Variants in CDH12 observed in about 807,000 individuals in gnomAD.
The protein encoded by CDH12 is cadherin 12.
CDH12 carries 41 observed loss-of-function variants against 74.1 expected under a neutral mutation model. That is an observed-to-expected ratio of 0.55 (90% CI 0.43 to 0.72). The LOEUF (loss-of-function observed/expected upper bound fraction) is 0.72, where lower values mean the gene tolerates loss of function less well. Among genes scored for constraint, CDH12 ranks in the 30% least tolerant of loss-of-function variants. CDH12 has a pLI of 0.00. For synonymous variants in CDH12, 399 were observed against 355.0 expected, an observed-to-expected ratio of 1.12 and a Z score of -1.39; for missense variants, 945 against 977.2, an observed-to-expected ratio of 0.97 and a Z score of 0.44.
intron 1 of CDH12, among the ~76,000 whole-genome samples, chr5:22,852,565 A>C (rs991521541): frequency 2.0e-5 from 3 of 152,184 alleles, no homozygotes; most frequent in Non-Finnish European, 4.4e-5. Context: ...AAAACATTTA[A>C]ATGGTTTTAC....
chr5:21,914,445 T>C (rs1383200878), intron 6 of CDH12, among the ~76,000 whole-genome samples: 1 of 152,172 alleles, frequency 6.6e-6, no homozygotes, highest in Non-Finnish European at 1.5e-5. Context: ...AAGTCATATG[T>C]ATCCTGTATT....
intron 1 of CDH12, among the ~76,000 whole-genome samples, chr5:22,521,716 T>C (rs553055052): frequency 6.6e-6 from 1 of 152,274 alleles, no homozygotes; most frequent in Admixed American, 6.5e-5. Context: ...TTGCAACTCT[T>C]GTGGTGTGAA....
intron 1 of CDH12, among the ~76,000 whole-genome samples, chr5:22,771,868 T>C (rs1746824595): frequency 1.3e-5 from 2 of 152,084 alleles, no homozygotes; most frequent in African/African-American, 2.4e-5. Context: ...TGCCAACCTT[T>C]GCAATTAGGT....
chr5:22,081,772 GT>G (rs1742744431), intron 4 of CDH12, among the ~76,000 whole-genome samples: 1 of 152,288 alleles, frequency 6.6e-6, no homozygotes, highest in Admixed American at 6.5e-5. Context: ...TCGCTTAGAA[GT>G]CAAATGTGTC....
intron 5 of CDH12, among the ~76,000 whole-genome samples, chr5:21,981,832 C>T (rs1420895620): frequency 6.6e-6 from 1 of 152,066 alleles, no homozygotes; most frequent in Non-Finnish European, 1.5e-5. Flanking sequence ...CCATGCTTAG[C>T]TAATTTTTCT....
At chr5:22,264,146 G>C (rs1753623472) in intron 3 of CDH12, among the ~76,000 whole-genome samples, 2 of 151,622 alleles carry the variant, frequency 1.3e-5, no homozygotes, top group Non-Finnish European at 2.9e-5. Flanking sequence ...TTGGTGCCTG[G>C]AAGTAATATT....
At chr5:22,534,117 C>T (rs1036095844) in intron 1 of CDH12, among the ~76,000 whole-genome samples, 6 of 152,144 alleles carry the variant, frequency 3.9e-5, no homozygotes, top group African/African-American at 1.2e-4. Flanking sequence ...TATTCAAGCT[C>T]TTCTCCCCTT....
At chr5:21,973,182 G>A (rs1217110201) in intron 6 of CDH12, among the ~76,000 whole-genome samples, 1 of 151,928 alleles carries the variant, frequency 6.6e-6, no homozygotes, top group African/African-American at 2.4e-5. Context: ...ACTCCAGCCA[G>A]GGCAACAGAC....
intron 1 of CDH12, among the ~76,000 whole-genome samples, chr5:22,818,466 T>C (rs1460896515): frequency 6.6e-6 from 1 of 152,168 alleles, no homozygotes; most frequent in African/African-American, 2.4e-5. Flanking sequence ...ACAGTGTGCT[T>C]ATTTTCCCTA....
In CDH12 at chr5:22,608,797, C is replaced by T. The variant is rs145505508; in HGVS notation, c.-522-103433G>A. Among the ~76,000 whole-genome samples the T allele has an allele frequency of 1.9e-3, 287 of 152,206 alleles. 1 individual carries two copies. The highest frequency in any genetic ancestry group is 6.6e-3 in the African/African-American group (273 of 41,532). On this transcript the variant is annotated intron_variant, in intron 1 of 14. Transcript: ENST00000382254. ...TTTTATAAGTGGCTTCCTCTTTATT[C>T]AGCACTCATTTTCTCTCCTGAAGAG...
chr5:22,847,194 A>T (rs1737347149), intron 1 of CDH12, among the ~76,000 whole-genome samples: 1 of 152,178 alleles, frequency 6.6e-6, no homozygotes, highest in Non-Finnish European at 1.5e-5. Context: ...TGAGAAATTT[A>T]TTTGAGGTTT....
intron 3 of CDH12, among the ~76,000 whole-genome samples, chr5:22,236,397 G>GT (rs1050045524): frequency 2.0e-5 from 3 of 151,998 alleles, no homozygotes; most frequent in Non-Finnish European, 2.9e-5. Context: ...TATTTTTCAA[G>GT]TTTTTCATTT....
intron 6 of CDH12, chr5:21,883,815 A>G: frequency 6.3e-7 from 1 of 1,599,012 alleles, no homozygotes; most frequent in Non-Finnish European, 8.6e-7. Context: ...GTTTGGTGGG[A>G]CAAGTGATGT....
At chr5:21,820,083 A>G (rs889077547) in intron 8 of CDH12, among the ~76,000 whole-genome samples, 1 of 151,944 alleles carries the variant, frequency 6.6e-6, no homozygotes, top group Non-Finnish European at 1.5e-5. Flanking sequence ...AGATCCTCCA[A>G]TATGGGGGAA....
rs753962922 is a variant in CDH12, at chr5:22,489,690, C to CTT, written c.-428+15578_-428+15579dup. ...CTTTGTGATGCCTTGTGCAGTGTAA[C>CTT]TTTTTTTTTTTTTTTTTTTTTTTGA... On this transcript the variant is annotated intron_variant, in intron 2 of 14. Coordinates refer to ENST00000382254, the MANE Select transcript of CDH12 (RefSeq NM_004061.5). Among the ~76,000 whole-genome samples, 638 of 120,516 alleles carry CTT rather than the reference C, an allele frequency of 5.3e-3. 3 individuals carry two copies. The highest frequency in any genetic ancestry group is 0.011 in the East Asian group (44 of 3,870). The allele number at this position is 120,516 out of a possible 152,430, so 79.1% of individuals were successfully genotyped here.
chr5:21,868,498 G>A (rs779239157), intron 6 of CDH12, among the ~76,000 whole-genome samples: 4 of 152,194 alleles, frequency 2.6e-5, no homozygotes, highest in Non-Finnish European at 4.4e-5. Context: ...AGTCATAGGA[G>A]TGTAGCTTTC....
intron 6 of CDH12, among the ~76,000 whole-genome samples, chr5:21,910,492 G>A (rs1753816295): frequency 6.6e-6 from 1 of 152,030 alleles, no homozygotes; most frequent in South Asian, 2.1e-4. Context: ...TCGTGCAAAT[G>A]TATGTCCTAT....
chr5:22,849,013 G>T (rs569083861), intron 1 of CDH12, among the ~76,000 whole-genome samples: 1 of 151,044 alleles, frequency 6.6e-6, no homozygotes, highest in African/African-American at 2.4e-5. Context: ...CAAGTCACTT[G>T]GGAACCCCTT....
intron 2 of CDH12, among the ~76,000 whole-genome samples, chr5:22,457,379 T>TTCCTTC (rs1353804977): frequency 6.6e-6 from 1 of 151,006 alleles, no homozygotes; most frequent in Non-Finnish European, 1.5e-5. Flanking sequence ...CCTTCTCCTT[T>TTCCTTC]TCCTTCTCCT....
Sources: gnomAD v4.1 joint callset for allele counts (sites outside exome capture counted in the v4.1 genomes callset) on GRCh38, gnomAD v4.1.1 for gene constraint, MANE v1.5 for transcripts, NCBI Gene and HGNC (gene_info 2026-07-23, HGNC 2026-07-21) for gene names.